Variants in PVT1 observed in about 807,000 individuals in gnomAD.
The protein encoded by PVT1 is CXCR4/PVT1 fusion.
At chr8:127,865,801 C>G (rs1247410812) in intron 2 of PVT1, among the ~76,000 whole-genome samples, 1 of 152,170 alleles carries the variant, frequency 6.6e-6, no homozygotes, top group Non-Finnish European at 1.5e-5. Flanking sequence ...ATGGGCGCAG[C>G]ATTTGATGGC....
At chr8:127,880,979 G>A (rs79743657) in intron 2 of PVT1, among the ~76,000 whole-genome samples, 3 of 152,200 alleles carry the variant, frequency 2.0e-5, no homozygotes, top group Admixed American at 2.0e-4. Context: ...GGCAGAACCC[G>A]AATGTCAGTA....
At chr8:127,817,242 A>G (rs925659833) in intron 2 of PVT1, among the ~76,000 whole-genome samples, 1 of 151,770 alleles carries the variant, frequency 6.6e-6, no homozygotes, top group African/African-American at 2.4e-5. Context: ...CTGGAATAGG[A>G]GAGACACAGA....
chr8:127,898,946 G>A lies in PVT1; in HGVS notation n.782+7948G>A, dbSNP rs1274132690. On this transcript the variant is annotated intron_variant and non_coding_transcript_variant, in intron 3 of 10. Transcript: ENST00000651587. This position sits in a 1 kb window ranked among gnomAD's most constrained non-coding sequence, Gnocchi z 4.4. ...AGTGCAATGGACACCCCCACCCCCC[G>A]TTGACTTATCTGGCTCCAACCGAAG... is the stretch of plus-strand genomic sequence containing the variant. Among the ~76,000 whole-genome samples, 1 of 152,074 alleles carries A rather than the reference G, an allele frequency of 6.6e-6. No individual in the cohort carries two copies. Among genetic ancestry groups the A allele is most frequent in the African/African-American group, 2.4e-5 (1 of 41,412 alleles).
intron 3 of PVT1, among the ~76,000 whole-genome samples, chr8:127,908,323 C>CT (rs569363122): frequency 1.4e-3 from 209 of 147,910 alleles, no homozygotes; most frequent in African/African-American, 5.0e-3. Context: ...AGTTTCTTTT[C>CT]TTTTTTTTTC....
At chr8:127,907,851 T>C (rs534839560) in intron 3 of PVT1, among the ~76,000 whole-genome samples, 24 of 152,140 alleles carry the variant, frequency 1.6e-4, no homozygotes, top group Non-Finnish European at 2.5e-4. Flanking sequence ...GGGTTGGGGA[T>C]TGGGATGGGA....
intron 4 of PVT1, among the ~76,000 whole-genome samples, chr8:128,051,872 G>C (rs190103985): frequency 4.4e-4 from 67 of 152,164 alleles, no homozygotes; most frequent in African/African-American, 1.6e-3. Flanking sequence ...TTCTCTTTAA[G>C]TTGAGTTTCT....
intron 3 of PVT1, among the ~76,000 whole-genome samples, chr8:127,941,856 C>T (rs1816355167): frequency 6.6e-6 from 1 of 152,210 alleles, no homozygotes; most frequent in African/African-American, 2.4e-5. Flanking sequence ...ACCAGCTCAG[C>T]TCTGGGCCAT....
intron 3 of PVT1, among the ~76,000 whole-genome samples, chr8:127,975,301 C>T (rs1009457796): frequency 2.6e-5 from 4 of 152,196 alleles, no homozygotes; most frequent in Non-Finnish European, 5.9e-5. Context: ...TTCACCACAA[C>T]CTCATCAACA....
At chr8:127,814,247 T>G (rs761129370) in intron 2 of PVT1, among the ~76,000 whole-genome samples, 11 of 152,184 alleles carry the variant, frequency 7.2e-5, no homozygotes, top group Non-Finnish European at 1.2e-4. Flanking sequence ...GAAAAGAGCT[T>G]CTGGGTTTCT....
At chr8:127,818,102 T>C (rs952667982) in intron 2 of PVT1, among the ~76,000 whole-genome samples, 2 of 152,158 alleles carry the variant, frequency 1.3e-5, no homozygotes, top group African/African-American at 4.8e-5. Flanking sequence ...GGCAGGATCA[T>C]AGTCCGGCTG....
intron 2 of PVT1, among the ~76,000 whole-genome samples, chr8:127,810,172 G>A (rs914197598): frequency 6.6e-6 from 1 of 152,226 alleles, no homozygotes; most frequent in Non-Finnish European, 1.5e-5. Flanking sequence ...TAAGTTCCTG[G>A]CTGGTCTGAG....
intron 2 of PVT1, among the ~76,000 whole-genome samples, chr8:127,849,986 A>C (rs543444603): frequency 7.3e-6 from 1 of 136,468 alleles, no homozygotes; most frequent in African/African-American, 3.5e-5. Flanking sequence ...GCGTGGGTGC[A>C]CAGCCTGTAC....
chr8:127,847,472 G>A (rs4131603), intron 2 of PVT1, among the ~76,000 whole-genome samples: 7,635 of 152,162 alleles, frequency 0.05, 271 homozygotes, highest in South Asian at 0.12. Context: ...TGGGACATTG[G>A]GATATTTCCC....
At chr8:127,911,032 T>C (rs1815891254) in intron 3 of PVT1, among the ~76,000 whole-genome samples, 1 of 152,060 alleles carries the variant, frequency 6.6e-6, no homozygotes. Flanking sequence ...GTGAGAAGGA[T>C]GGGGCTATGG....
At chr8:128,071,493 G>A (rs1813989870) in intron 5 of PVT1, among the ~76,000 whole-genome samples, 1 of 151,482 alleles carries the variant, frequency 6.6e-6, no homozygotes. Flanking sequence ...ACCACCCTAG[G>A]CAACTAAGGA....
chr8:127,855,789 C>T (rs181269004), intron 2 of PVT1, among the ~76,000 whole-genome samples: 13 of 152,298 alleles, frequency 8.5e-5, no homozygotes, highest in Non-Finnish European at 1.9e-4. Flanking sequence ...AATGGATAGA[C>T]CTCGTGTGAA....
At chr8:127,893,131 T>C (rs1231397247) in intron 3 of PVT1, among the ~76,000 whole-genome samples, 2 of 152,166 alleles carry the variant, frequency 1.3e-5, no homozygotes, top group Admixed American at 6.5e-5. Flanking sequence ...TCAGCAAGGA[T>C]GCTGATGTAG....
At chr8:127,897,895 GAAAGAAA>G (rs1487044999) in intron 3 of PVT1, among the ~76,000 whole-genome samples, 12 of 115,888 alleles carry the variant, frequency 1.0e-4, no homozygotes, top group Non-Finnish European at 1.1e-4. Context: ...AAGAAAGAAA[GAAAGAAA>G]AAAAGACAGA....
At chr8:127,801,862 G>T (rs376894995) in intron 2 of PVT1, among the ~76,000 whole-genome samples, 2 of 152,028 alleles carry the variant, frequency 1.3e-5, no homozygotes, top group Admixed American at 6.6e-5. Context: ...GGATTTCAGA[G>T]ACTTAGTGAG....
Sources: allele counts gnomAD v4.1 joint callset (sites outside exome capture counted in the v4.1 genomes callset), GRCh38; gene constraint gnomAD v4.1.1; non-coding constraint Gnocchi (gnomAD v3.1); transcripts MANE v1.5; gene names NCBI Gene and HGNC (gene_info 2026-07-23, HGNC 2026-07-21).